SLIT3: variants seen among roughly 807,000 people sequenced by gnomAD.
SLIT3 encodes the protein slit homolog 3 protein.
Under a neutral mutation model 184.0 loss-of-function variants are expected in SLIT3, and 68 were observed. The ratio of observed to expected loss-of-function variants is 0.37; its 90% CI spans 0.30 to 0.45. SLIT3 has a LOEUF of 0.45. SLIT3 is among the 20% of genes least tolerant of loss of function. The pLI is 1.00. For missense variants in SLIT3, 1,707 were observed against 2,026.0 expected (o/e 0.84, Z 3.02); for synonymous variants, 831 against 828.6 (o/e 1.00, Z -0.05).
chr5:168,830,702 C>G (rs1388919630), intron 6 of SLIT3, among the ~76,000 whole-genome samples: 1 of 152,208 alleles, frequency 6.6e-6, no homozygotes, highest in Non-Finnish European at 1.5e-5. Context: ...CACTTGGAAG[C>G]CCAGGAAATG....
chr5:168,982,225 T>C (rs1398326624), intron 4 of SLIT3, among the ~76,000 whole-genome samples: 2 of 152,228 alleles, frequency 1.3e-5, no homozygotes, highest in Non-Finnish European at 2.9e-5. Context: ...ATTCCCAGTG[T>C]GGCAGTATGG....
chr5:169,187,124 T>TTTTTTTTC lies in SLIT3; in HGVS notation c.413+6354_413+6355insGAAAAAAA, dbSNP rs1763376562. Reference sequence around the variant, plus strand: ...ATGCAGCTATAGGTTTTTTTTTTTTTTTTTTTTTGAGACGGAGTCTCACTT... The same window carrying TTTTTTTTC: ...ATGCAGCTATAGGTTTTTTTTTTTTTTTTTTTTCTTTTTTTTGAGACGGAGTCTCACTT... On this transcript the variant is annotated intron_variant, in intron 4 of 35. Transcript: ENST00000519560. 2.8e-5 allele frequency among the ~76,000 whole-genome samples: 4 copies of TTTTTTTTC among 143,490 alleles called. 1 individual carries two copies. The South Asian group carries it at 9.3e-4, about 33-fold the overall frequency. 94.1% of individuals were successfully genotyped at this position (143,490 alleles called of 152,430 possible).
chr5:168,746,858 A>T (rs1468797072), intron 20 of SLIT3, among the ~76,000 whole-genome samples: 1 of 16,010 alleles, frequency 6.2e-5, no homozygotes, highest in Non-Finnish European at 1.2e-4. Context: ...GTGGTGTGTG[A>T]GTGTGGTGGT....
At chr5:169,000,373 CA>C (rs1156423570) in intron 4 of SLIT3, among the ~76,000 whole-genome samples, 2 of 20,934 alleles carry the variant, frequency 9.6e-5, no homozygotes, top group Admixed American at 7.1e-4. Flanking sequence ...GCCTGGGTGA[CA>C]AAAGCAAAAC....
chr5:168,761,252 C>T (rs1193722301), intron 15 of SLIT3, among the ~76,000 whole-genome samples: 1 of 152,158 alleles, frequency 6.6e-6, no homozygotes, highest in Non-Finnish European at 1.5e-5. Context: ...TGTGGACATA[C>T]CAATGACAAC....
intron 23 of SLIT3, 29 bp downstream of exon 23, chr5:168,722,227 A>T: frequency 6.2e-7 from 1 of 1,605,752 alleles, no homozygotes; most frequent in Non-Finnish European, 8.5e-7. Context: ...GCAATGTGTA[A>T]GTCAAAATCA....
At chr5:168,965,050 TA>T (rs1404267951) in intron 4 of SLIT3, among the ~76,000 whole-genome samples, 1 of 152,124 alleles carries the variant, frequency 6.6e-6, no homozygotes, top group Non-Finnish European at 1.5e-5. Flanking sequence ...AGGGCCTCCT[TA>T]AATGGTGCAC....
intron 4 of SLIT3, among the ~76,000 whole-genome samples, chr5:169,059,410 A>C (rs1383626062): frequency 1.3e-5 from 2 of 152,200 alleles, no homozygotes; most frequent in Non-Finnish European, 1.5e-5. Flanking sequence ...TCAATCCTAC[A>C]GCACAGCCTG....
intron 4 of SLIT3, among the ~76,000 whole-genome samples, chr5:169,173,273 A>G (rs1214154003): frequency 6.6e-6 from 1 of 152,222 alleles, no homozygotes; most frequent in African/African-American, 2.4e-5. Flanking sequence ...AAAACAAAAA[A>G]GAATGAGATT....
At chr5:168,722,417 G>T (rs1762974147) in intron 22 of SLIT3, 90 bp from the exon 23 acceptor site, 1 of 1,144,140 alleles carries the variant, frequency 8.7e-7, no homozygotes, top group South Asian at 1.3e-5. Context: ...AAAGCAAATG[G>T]TTTATCTTTT....
rs1383306808 is a variant in SLIT3, at chr5:168,826,303, C to T, written c.558-2972G>A. On this transcript the variant is annotated intron_variant, in intron 6 of 35. Transcript: ENST00000519560. ...ATTTGCTGCTTGGGGCTGGCCAGCC[C>T]GGGGATGTCAGAGGGTTGGTAACCT... Among the ~76,000 whole-genome samples, 4 of 152,260 alleles carry T rather than the reference C, an allele frequency of 2.6e-5. No homozygotes were observed. The East Asian group carries it at 7.7e-4, about 29-fold the overall frequency.
At chr5:168,852,282 T>C (rs2113730405) in intron 5 of SLIT3, among the ~76,000 whole-genome samples, 1 of 152,344 alleles carries the variant, frequency 6.6e-6, no homozygotes, top group South Asian at 2.1e-4. Flanking sequence ...ATCTCTGTTT[T>C]TTTACTCTGT....
intron 10 of SLIT3, chr5:168,789,867 C>T (rs1756296638): frequency 6.1e-6 from 3 of 493,936 alleles, no homozygotes; most frequent in South Asian, 3.4e-5. Flanking sequence ...AATACTCACC[C>T]GTGGCATCTT....
intron 35 of SLIT3, among the ~76,000 whole-genome samples, chr5:168,668,454 A>G (rs935259358): frequency 1.3e-5 from 2 of 152,170 alleles, no homozygotes; most frequent in Non-Finnish European, 2.9e-5. Flanking sequence ...CAACAGCTGG[A>G]AAAGAGGAGA....
intron 4 of SLIT3, among the ~76,000 whole-genome samples, chr5:169,050,300 C>A (rs1187976058): frequency 2.6e-5 from 4 of 152,154 alleles, no homozygotes; most frequent in Non-Finnish European, 5.9e-5. Flanking sequence ...TGAGAGTGAA[C>A]CTTGAGTTTT....
chr5:169,051,001 T>C (rs1282429910), intron 4 of SLIT3, among the ~76,000 whole-genome samples: 1 of 152,200 alleles, frequency 6.6e-6, no homozygotes, highest in Non-Finnish European at 1.5e-5. Flanking sequence ...TTGTTTTATC[T>C]GAAAACGTCA....
intron 8 of SLIT3, among the ~76,000 whole-genome samples, chr5:168,816,314 G>A (rs1757333530): frequency 6.6e-6 from 1 of 152,146 alleles, no homozygotes; most frequent in South Asian, 2.1e-4. Flanking sequence ...AGCCTCCTGA[G>A]TAGCAGGGAT....
intron 4 of SLIT3, among the ~76,000 whole-genome samples, chr5:168,997,302 A>G (rs564393811): frequency 2.0e-5 from 3 of 152,178 alleles, no homozygotes; most frequent in East Asian, 3.9e-4. Context: ...ATTTGTGTCA[A>G]ATTTGAGCTC....
chr5:168,885,501 T>G (rs1198224527), intron 4 of SLIT3, among the ~76,000 whole-genome samples: 2 of 152,158 alleles, frequency 1.3e-5, no homozygotes, highest in Non-Finnish European at 2.9e-5. Flanking sequence ...GTCATCTGAC[T>G]AATGCAATTT....
Sources: gnomAD v4.1 joint callset for allele counts (sites outside exome capture counted in the v4.1 genomes callset) on GRCh38, gnomAD v4.1.1 for gene constraint, MANE v1.5 for transcripts, NCBI Gene and HGNC (gene_info 2026-07-23, HGNC 2026-07-21) for gene names.